DRC9: variants seen among roughly 807,000 people sequenced by gnomAD.
The protein encoded by DRC9 is dynein regulatory complex protein 9.
chr3:197,930,632 C>T, the DRC9 span, among the ~76,000 whole-genome samples: 8 of 150,792 alleles, frequency 5.3e-5, no homozygotes, highest in Non-Finnish European at 8.8e-5. Context: ...CCCAGCTACT[C>T]GGGAGGCTAC....
At chr3:197,898,117 A>G in the DRC9 span, among the ~76,000 whole-genome samples, 1 of 151,938 alleles carries the variant, frequency 6.6e-6, no homozygotes. Flanking sequence ...TGAGACCACA[A>G]TGCAAGACAG....
chr3:197,931,781 C>T, the DRC9 span, among the ~76,000 whole-genome samples: 4 of 151,814 alleles, frequency 2.6e-5, no homozygotes, highest in Admixed American at 6.6e-5. Flanking sequence ...CCCGCCACCA[C>T]GCCCGGCTAA....
chr3:197,938,094 T>A, the DRC9 span, among the ~76,000 whole-genome samples: 1 of 152,002 alleles, frequency 6.6e-6, no homozygotes, highest in Admixed American at 6.6e-5. Context: ...GGCGGGTGGA[T>A]CACCTGAGGT....
chr3:197,908,289 A>G, the DRC9 span, among the ~76,000 whole-genome samples: 1 of 133,076 alleles, frequency 7.5e-6, no homozygotes, highest in Non-Finnish European at 1.6e-5. Flanking sequence ...AAGTTATCAC[A>G]GGGGTGACTG....
chr3:197,932,237 C>T, the DRC9 span: 1 of 1,613,448 alleles, frequency 6.2e-7, no homozygotes, highest in Non-Finnish European at 8.5e-7. Flanking sequence ...TTGCAGGAGA[C>T]TGTTGTAAGT....
At chr3:197,926,250 T>C in the DRC9 span, 67 of 591,922 alleles carry the variant, frequency 1.1e-4, 1 homozygote, top group South Asian at 9.0e-4. Context: ...GGGCCTGAAG[T>C]GTGCATCTCT....
the DRC9 span, among the ~76,000 whole-genome samples, chr3:197,942,340 C>T: frequency 3.0e-5 from 4 of 133,050 alleles, no homozygotes; most frequent in South Asian, 2.4e-4. Context: ...GCCAAGATCG[C>T]GCCACTGCAC....
the DRC9 span, among the ~76,000 whole-genome samples, chr3:197,945,234 TTGGTA>T: frequency 1.2e-3 from 185 of 152,280 alleles, 1 homozygote; most frequent in African/African-American, 4.3e-3. Context: ...GACAGCTGCC[TTGGTA>T]TGAGGACACT....
chr3:197,936,199 A>G, the DRC9 span, among the ~76,000 whole-genome samples: 1 of 152,194 alleles, frequency 6.6e-6, no homozygotes, highest in Admixed American at 6.5e-5. Flanking sequence ...GATTTGTTGT[A>G]ATTTTGTCTT....
At chr3:197,889,303 G>C in the DRC9 span, 1 of 425,472 alleles carries the variant, frequency 2.4e-6, no homozygotes, top group Admixed American at 3.6e-5. Flanking sequence ...CTGAGAAAGA[G>C]CAAGAAGAAT....
chr3:197,958,321 T>C, the DRC9 span: 1 of 152,208 alleles, frequency 6.6e-6, no homozygotes, highest in Non-Finnish European at 1.5e-5. Context: ...ATTACAGATA[T>C]GAGCCACCAG....
At chr3:197,941,569 T>TCTTC in the DRC9 span, among the ~76,000 whole-genome samples, 1 of 140,526 alleles carries the variant, frequency 7.1e-6, no homozygotes, top group Non-Finnish European at 1.5e-5. Context: ...CTTCCTTCTT[T>TCTTC]CTTTCTCTTT....
At chr3:197,904,796 A>G in the DRC9 span, among the ~76,000 whole-genome samples, 1 of 152,076 alleles carries the variant, frequency 6.6e-6, no homozygotes, top group East Asian at 1.9e-4. Context: ...GGAGGCAGAG[A>G]TTGCAGTGAG....
chr3:197,904,102 ATATATATATTTT>A, the DRC9 span, among the ~76,000 whole-genome samples: 7 of 61,720 alleles, frequency 1.1e-4, no homozygotes, highest in African/African-American at 2.8e-4. Context: ...ATATATATAT[ATATATATATTTT>A]TTTTTTTAAA....
the DRC9 span, among the ~76,000 whole-genome samples, chr3:197,933,043 TATATATAAAATACATATATTATAC>T: frequency 2.6e-5 from 2 of 75,864 alleles, no homozygotes; most frequent in African/African-American, 2.4e-4. Context: ...ATATTATACA[TATATATAAAATACATATATTATAC>T]ATATATATAT....
the DRC9 span, among the ~76,000 whole-genome samples, chr3:197,890,954 T>C: frequency 2.0e-5 from 3 of 152,210 alleles, no homozygotes; most frequent in Admixed American, 6.5e-5. Context: ...TTTCACGTGA[T>C]CTGTGACCTG....
the DRC9 span, among the ~76,000 whole-genome samples, chr3:197,923,972 GGGA>G: frequency 6.6e-6 from 1 of 151,300 alleles, no homozygotes; most frequent in Admixed American, 6.6e-5. Flanking sequence ...AGGCTGAGGT[GGGA>G]GAATTGCTTG....
chr3:197,950,885 T>A, the DRC9 span: 1 of 1,582,602 alleles, frequency 6.3e-7, no homozygotes, highest in East Asian at 2.2e-5. Flanking sequence ...GGGGACGAGG[T>A]GGGAAACTTG....
At chr3:197,916,509 T>G in the DRC9 span, 2 of 152,348 alleles carry the variant, frequency 1.3e-5, no homozygotes, top group African/African-American at 4.8e-5. Context: ...CTCGAAACCC[T>G]GGGCTCAAAT....
Sources: allele counts gnomAD v4.1 joint callset (sites outside exome capture counted in the v4.1 genomes callset), GRCh38; gene constraint gnomAD v4.1.1; transcripts MANE v1.5; gene names NCBI Gene and HGNC (gene_info 2026-07-23, HGNC 2026-07-21).